TTN: variants seen among roughly 807,000 people sequenced by gnomAD.
The protein encoded by TTN is connectin.
In TTN, 1,525 loss-of-function variants were observed where a neutral mutation model predicts 3,223.0. The observed-to-expected ratio is 0.47, with a 90% CI of 0.45 to 0.49. The LOEUF (loss-of-function observed/expected upper bound fraction) is 0.49. Ranked by LOEUF, TTN falls within the 20% of genes least tolerant of loss-of-function variation. TTN has a pLI of 0.00. For missense variants in TTN, 40,786 were observed against 43,424.0 expected, an observed-to-expected ratio of 0.94 and a Z score of 5.40; for synonymous variants, 14,094 against 15,161.0, an observed-to-expected ratio of 0.93 and a Z score of 5.17.
At chr2:178,603,742 G>A (rs2054078462) in intron 282 of TTN, 134 bp downstream of exon 282, 1 of 875,254 alleles carries the variant, frequency 1.1e-6, no homozygotes, top group African/African-American at 1.7e-5. Flanking sequence ...GATAGTCTAT[G>A]TGAACATGAA....
rs1192473018 is a variant in TTN, at chr2:178,569,013, C to T, written c.77119G>A (p.Val25707Met). Residue 25707 changes from valine (V) to methionine (M), a missense_variant, in exon 326 of 363, where the codon GTG (valine) becomes ATG (methionine). By Grantham distance (21) the Val-to-Met change is conservative. Transcript: ENST00000589042. ...ACACTGTTTCTGGTGACATCATCCACAGTTATTTTTCCAGGAGGTTGTGGC... is the reference window on the plus strand; with the variant it reads ...ACACTGTTTCTGGTGACATCATCCATAGTTATTTTTCCAGGAGGTTGTGGC... ...EVPQPPGKIT[V>M]DDVTRNSVSL... 6.2e-7 allele frequency: 1 copy of T among 1,613,304 alleles called. No individual in the cohort carries two copies. Among genetic ancestry groups the T allele is most frequent in the African/African-American group, 1.3e-5 (1 of 74,976 alleles).
In TTN at chr2:178,776,340, C is replaced by T. The variant is rs1469586209; in HGVS notation, c.5524G>A (p.Asp1842Asn). 1 of 1,613,886 alleles carries T rather than the reference C, an allele frequency of 6.2e-7. No homozygotes were observed. Among genetic ancestry groups the T allele is most frequent in the Admixed American group, 1.7e-5 (1 of 60,018 alleles). The change falls in exon 28 of 363, where the codon GAC becomes AAC. Residue 1842 changes from aspartate (D) to asparagine (N), a missense_variant. By Grantham distance (23) the Asp-to-Asn change is conservative. Transcript: ENST00000589042. ...TTDQKEKQKP[D>N]IVLYPEPVRV... is the part of the protein sequence containing the mutation. ...ACTGGCTCTGGGTACAAGACAATGTCTGGCTTTTGCTTTTCTTTCTGATCT... is the reference window on the plus strand; with the variant it reads ...ACTGGCTCTGGGTACAAGACAATGTTTGGCTTTTGCTTTTCTTTCTGATCT...
At chr2:178,806,199 A>G in intron 1 of TTN, among the ~76,000 whole-genome samples, 1 of 152,116 alleles carries the variant, frequency 6.6e-6, no homozygotes, top group East Asian at 1.9e-4. Flanking sequence ...GCTTTCATAA[A>G]TTTTTTTTGT....
chr2:178,675,599 AGTGTCCT>A, intron 149 of TTN, 65 bp downstream of exon 149: 1 of 1,155,506 alleles, frequency 8.7e-7, no homozygotes, highest in Non-Finnish European at 1.1e-6. Flanking sequence ...ATTTATGTTG[AGTGTCCT>A]GTGTGGATAG....
Position 178,677,799 on chromosome 2 carries a change from T to C in TTN, c.34113A>G (p.Leu11371=), listed in dbSNP as rs1161814616. The C allele has an allele frequency of 5.6e-6, 9 of 1,612,878 alleles. No homozygotes were observed. The African/African-American group carries it at 1.1e-4, about 19-fold the overall frequency. ...EEVLPEEEEV[L]PEEEEVLPEE... is the part of the protein sequence containing the mutation. ...CAGGTAGAACTTCCTCTTCCTCAGG[T>C]AGAACTTCCTCTTCCTCAGGTAGAA... The change falls in exon 146 of 363, where the codon CTA becomes CTG. Residue 11371 remains leucine, a synonymous_variant. Coordinates refer to ENST00000589042, the MANE Select transcript of TTN (RefSeq NM_001267550.2).
At position 178,710,822 on chromosome 2, in the gene TTN, C is replaced by T. The variant is rs1448968221; in HGVS notation, c.28275G>A (p.Pro9425=). The T allele has an allele frequency of 8.1e-6, 13 of 1,613,782 alleles. No individual in the cohort carries two copies. The highest frequency in any genetic ancestry group is 5.0e-5 in the Admixed American group (3 of 59,980). The change falls in exon 98 of 363, where the codon CCG becomes CCA. Residue 9425 remains proline (P), a synonymous_variant. Transcript: ENST00000589042. ...TGTCTTTGGCCCAGCTGACCTTTATCGGTTGTGTGCCCGTGACGTGGCACT... is the reference window on the plus strand; with the variant it reads ...TGTCTTTGGCCCAGCTGACCTTTATTGGTTGTGTGCCCGTGACGTGGCACT... ...DFECHVTGTQ[P]IKVSWAKDSR...
At chr2:178,702,768 T>C in intron 106 of TTN, 105 bp from the exon 107 acceptor site, 2 of 1,207,622 alleles carry the variant, frequency 1.7e-6, no homozygotes, top group Non-Finnish European at 1.1e-6. Context: ...TACCCAGTTA[T>C]AAAATAGCAA....
Position 178,569,357 on chromosome 2 carries a change from G to A in TTN, c.76775C>T (p.Ala25592Val), listed in dbSNP as rs1707265300. ...GTCCAGAACTCTCACAGTAACAAAG[G>A]CAGACTTTGTTCCACTGCTGTTTTC... ...TLENSSGTKS[A>V]FVTVRVLDTP... The change falls in exon 326 of 363, where the codon GCC becomes GTC. Residue 25592 changes from alanine to valine, a missense_variant. Ala to Val is a moderately conservative substitution (Grantham distance 64, BLOSUM62 0). Transcript: ENST00000589042. The A allele has an allele frequency of 6.2e-7, 1 of 1,613,304 alleles. No individual in the cohort carries two copies. The highest frequency in any genetic ancestry group is 1.1e-5 in the South Asian group (1 of 91,032).
chr2:178,542,896 C>A lies in TTN; in HGVS notation c.96958G>T (p.Ala32320Ser), dbSNP rs753692640. The A allele has an allele frequency of 6.2e-7, 1 of 1,613,466 alleles. No homozygotes were observed. The highest frequency in any genetic ancestry group is 8.5e-7 in the Non-Finnish European group (1 of 1,179,464). ...ATCACCAGCTCTACTGGTCTGCCAG[C>A]TGGGACATGGATGGTCTTCTGAGGC... ...TMPQKTIHVP[A>S]GRPVELVIPI... The change falls in exon 348 of 363, where the codon GCT becomes TCT. Residue 32320 changes from alanine to serine, a missense_variant. Physicochemically the swap from Ala to Ser is moderately conservative, Grantham distance 99. Transcript: ENST00000589042.
intron 47 of TTN, chr2:178,745,237 A>G: frequency 9.2e-7 from 1 of 1,090,660 alleles, no homozygotes; most frequent in Non-Finnish European, 1.1e-6. Flanking sequence ...TTTTGCATAT[A>G]TGGTTTATCT....
intron 259 of TTN, 101 bp downstream of exon 259, chr2:178,615,206 G>C: frequency 7.2e-7 from 1 of 1,385,194 alleles, no homozygotes; most frequent in Non-Finnish European, 1.0e-6. Flanking sequence ...GGCAGCATAG[G>C]ATTCTCAATG....
rs373502448 is a variant in TTN, at chr2:178,620,009, G to A, written c.46408C>T (p.Arg15470Cys). 12 of 1,610,468 alleles carry A rather than the reference G, an allele frequency of 7.5e-6. No homozygotes were observed. The highest frequency in any genetic ancestry group is 1.0e-5 in the Non-Finnish European group (12 of 1,178,452). ...GTACCTTCCACAAAAAGTCTAGCAC[G>A]AGACTTCCTGTCTTCTACCCCGCAA... ...YACGVEDRKS[R>C]ARLFVEEIPV... is the part of the protein sequence containing the mutation. The change falls in exon 249 of 363, where the codon CGT becomes TGT. Residue 15470 changes from arginine to cysteine, a missense_variant. By Grantham distance (180) the Arg-to-Cys change is radical. Coordinates refer to ENST00000589042, the MANE Select transcript of TTN (RefSeq NM_001267550.2).
chr2:178,799,651 T>G lies in TTN; in HGVS notation c.750A>C (p.Pro250=). ...VIDGAAGQQL[P]HKTPPRIPPK... is the part of the protein sequence containing the mutation. ...GAGGAATCCTGGGAGGTGTTTTATGTGGCAGCTGTTGCCCAGCGGCACCAT... is the reference window on the plus strand; with the variant it reads ...GAGGAATCCTGGGAGGTGTTTTATGGGGCAGCTGTTGCCCAGCGGCACCAT... Residue 250 remains proline, a synonymous_variant, in exon 6 of 363, where the codon CCA becomes CCC. Transcript: ENST00000589042. The G allele has an allele frequency of 6.2e-7, 1 of 1,614,148 alleles. No homozygotes were observed. The highest frequency in any genetic ancestry group is 8.5e-7 in the Non-Finnish European group (1 of 1,180,016).
chr2:178,720,704 A>C, intron 79 of TTN, 41 bp from the exon 80 acceptor site: 6 of 1,515,254 alleles, frequency 4.0e-6, no homozygotes, highest in Non-Finnish European at 5.3e-6. Flanking sequence ...ACACTTGCTT[A>C]CTATAAAGGA....
intron 10 of TTN, 62 bp downstream of exon 10, chr2:178,792,010 T>C (rs1043544720): frequency 3.2e-6 from 5 of 1,572,930 alleles, no homozygotes; most frequent in African/African-American, 2.7e-5. Context: ...ATAAGCTACC[T>C]GCAGCTGGCT....
Position 178,723,871 on chromosome 2 carries a change from C to T in TTN, c.21388G>A (p.Val7130Met). Reference protein sequence around the residue: ...NVAGSDECRAVLTVQEPPSFV... With the variant: ...NVAGSDECRAMLTVQEPPSFV... ...GTCTACTGACCTTGTACAGTTAGCA[C>T]TGCACGACATTCATCAGACCCAGCG... The change falls in exon 73 of 363, where the codon GTG becomes ATG. Residue 7130 changes from valine (V) to methionine (M), a missense_variant. Coordinates refer to ENST00000589042, the MANE Select transcript of TTN (RefSeq NM_001267550.2). The T allele has an allele frequency of 6.2e-7, 1 of 1,610,988 alleles. No individual in the cohort carries two copies. The highest frequency in any genetic ancestry group is 8.5e-7 in the Non-Finnish European group (1 of 1,177,896).
rs765201089 is a variant in TTN at position 178,567,828 on chromosome 2, T to C, written c.78304A>G (p.Arg26102Gly). 1.1e-5 allele frequency: 18 copies of C among 1,613,426 alleles called. No individual in the cohort carries two copies. The South Asian group carries it at 2.0e-4, about 18-fold the overall frequency. The change falls in exon 326 of 363, where the codon AGA (arginine) becomes GGA (glycine). Residue 26102 changes from arginine (R) to glycine (G), a missense_variant. Transcript: ENST00000589042. ...GTCCACTGTAAAGTGATTTCATTTC[T>C]TTTAACCATTATTGGTTCTGGGGTT... ...PGTPEPIMVK[R>G]NEITLQWTKP... is the part of the protein sequence containing the mutation.
Position 178,534,685 on chromosome 2 carries a change from G to A in TTN, c.101930C>T (p.Thr33977Ile). ...TTCAGGTGCATAGTATTCTGGGGCA[G>A]TGAATAGAAGCCTGAAGTTGTCCCC... is the stretch of plus-strand genomic sequence containing the variant. Reference protein sequence around the residue: ...KPGDNFRLLFTAPEYYAPEVH... With the variant: ...KPGDNFRLLFIAPEYYAPEVH... The change falls in exon 358 of 363, where the codon ACT becomes ATT. Residue 33977 changes from threonine (T) to isoleucine (I), a missense_variant. Physicochemically the swap from Thr to Ile is moderately conservative, Grantham distance 89 (BLOSUM62 -1). Transcript: ENST00000589042. 2 of 1,613,856 alleles carry A rather than the reference G, an allele frequency of 1.2e-6. No homozygotes were observed. The highest frequency in any genetic ancestry group is 2.2e-5 in the South Asian group (2 of 91,080).
At chr2:178,781,406 G>T in intron 20 of TTN, 143 bp from the exon 21 acceptor site, 1 of 947,936 alleles carries the variant, frequency 1.1e-6, no homozygotes, top group Non-Finnish European at 1.6e-6. Flanking sequence ...TAGATTATAA[G>T]ATTGCTGAAA....
Sources: gnomAD v4.1 joint callset for allele counts (sites outside exome capture counted in the v4.1 genomes callset) on GRCh38, gnomAD v4.1.1 for gene constraint, MANE v1.5 for transcripts, NCBI Gene and HGNC (gene_info 2026-07-23, HGNC 2026-07-21) for gene names.